NARF: variants seen among roughly 807,000 people sequenced by gnomAD.
NARF encodes the protein nuclear prelamin A recognition factor.
In NARF, 41 loss-of-function variants were observed where a neutral mutation model predicts 48.0. The observed-to-expected ratio is 0.85, with a 90% confidence interval of 0.66 to 1.11. The LOEUF is 1.11. Ranked by LOEUF, NARF falls within the 50% of genes least tolerant of loss-of-function variation. The pLI, the probability that NARF is intolerant of heterozygous loss-of-function variation, is 0.00. For missense variants in NARF, 613 were observed against 590.2 expected, an observed-to-expected ratio of 1.04 and a Z score of -0.40; for synonymous variants, 215 against 225.5, an observed-to-expected ratio of 0.95 and a Z score of 0.42.
chr17:82,468,822 C>A lies in NARF; in HGVS notation c.311C>A (p.Pro104His). 6.2e-7 allele frequency: 1 copy of A among 1,614,028 alleles called. No homozygotes were observed. The highest frequency in any genetic ancestry group is 8.5e-7 in the Non-Finnish European group (1 of 1,179,962). ...GTGTCTGTGTGTCCTCAATCTTTGC[C>A]TTATTTTGCTGCTAAATTCAACCTC... The part of the protein sequence containing the change: ...LVVSVCPQSL[P>H]YFAAKFNLSV... Residue 104 changes from proline to histidine, a missense_variant, in exon 4 of 11, where the codon CCT becomes CAT. Physicochemically the swap from Pro to His is moderately conservative, Grantham distance 77. Coordinates refer to ENST00000309794, the MANE Select transcript of NARF (RefSeq NM_012336.4).
Position 82,472,526 on chromosome 17 carries a change from T to G in NARF, c.386-38T>G. ...GGAAGCCTAAAAGTAGATCTTTTAG[T>G]ACGTGATTTAAGCTGAATATGCTCC... On this transcript the variant is annotated intron_variant, in intron 4 of 10. Transcript: ENST00000309794. 2.6e-6 allele frequency: 4 copies of G among 1,547,578 alleles called. No homozygotes were observed. In the South Asian group the frequency reaches 4.9e-5, roughly 19 times the overall value.
Position 82,468,902 on chromosome 17 carries a change from T to C in NARF, c.385+6T>C, listed in dbSNP as rs890180607. The stretch of plus-strand genomic sequence containing the variant: ...TGGTTTCCTCAAAAGTCTTGGTGAG[T>C]CATCTTTTGATAAATTGGGAATGTA... On this transcript the variant is annotated splice_donor_region_variant and intron_variant, in intron 4 of 10. Coordinates refer to ENST00000309794, the MANE Select transcript of NARF (RefSeq NM_012336.4). 7 of 1,612,010 alleles carry C rather than the reference T, an allele frequency of 4.3e-6. No homozygotes were observed. The highest frequency in any genetic ancestry group is 5.9e-6 in the Non-Finnish European group (7 of 1,179,348).
At chr17:82,474,286 A>T (rs1412168944) in intron 5 of NARF, among the ~76,000 whole-genome samples, 2 of 152,236 alleles carry the variant, frequency 1.3e-5, no homozygotes, top group Admixed American at 1.3e-4. Flanking sequence ...CTTAAAAAAA[A>T]TACAGAATAA....
At chr17:82,482,119 C>T (rs572884152) in intron 7 of NARF, 15 of 288,206 alleles carry the variant, frequency 5.2e-5, no homozygotes, top group African/African-American at 2.8e-4. Flanking sequence ...AAAATTCTGG[C>T]GGAACTGTTT....
At chr17:82,471,620 A>G (rs67092450) in intron 4 of NARF, among the ~76,000 whole-genome samples, 62,636 of 140,866 alleles carry the variant, frequency 0.44, 14,991 homozygotes, top group East Asian at 0.89. Flanking sequence ...GTGAAACCCC[A>G]TCTCTACTAA....
intron 1 of NARF, chr17:82,459,053 A>G (rs748819784): frequency 8.3e-7 from 1 of 1,204,572 alleles, no homozygotes; most frequent in Non-Finnish European, 1.0e-6. Flanking sequence ...GAACTTGTCC[A>G]TCTTTCCCAC....
Position 82,484,929 on chromosome 17 carries a change from AGGTCACTT to A in NARF, c.951_958del (p.Val318ProfsTer14). 1 of 1,611,346 alleles carries A rather than the reference AGGTCACTT, an allele frequency of 6.2e-7. No individual in the cohort carries two copies. The highest frequency in any genetic ancestry group is 8.5e-7 in the Non-Finnish European group (1 of 1,178,702). ...GAGCTGTTCAACGAGGATGTGGAGG[AGGTCACTT>A]ACCGAGCCCTGAGGTGTGGGGCAGT... is the stretch of plus-strand genomic sequence containing the variant. On this transcript the variant is annotated frameshift_variant, in exon 9 of 11. Coordinates refer to ENST00000309794, the MANE Select transcript of NARF (RefSeq NM_012336.4). LOFTEE classifies it high-confidence loss of function.
At chr17:82,461,900 G>C (rs1219242324) in intron 2 of NARF, among the ~76,000 whole-genome samples, 1 of 152,222 alleles carries the variant, frequency 6.6e-6, no homozygotes, top group African/African-American at 2.4e-5. Context: ...GGGAGCAACA[G>C]GGCCTGAGAC....
At chr17:82,469,583 G>T (rs908619446) in intron 4 of NARF, among the ~76,000 whole-genome samples, 4 of 151,634 alleles carry the variant, frequency 2.6e-5, no homozygotes, top group East Asian at 1.9e-4. Context: ...CAAATAAGAG[G>T]TTTTTTTTGT....
intron 3 of NARF, among the ~76,000 whole-genome samples, chr17:82,466,883 G>A (rs945705942): frequency 1.4e-4 from 21 of 150,146 alleles, no homozygotes; most frequent in Non-Finnish European, 3.0e-4. Flanking sequence ...CTTTTTTTTC[G>A]GCCTTCACCA....
rs146172958 is a variant in NARF, at chr17:82,480,840, G to A, written c.640-242G>A. On this transcript the variant is annotated intron_variant, in intron 6 of 10. Transcript: ENST00000309794. ...CCAGCTACTCGGGAGGCTGAGGCAGGAGAATCGCTTGAACCCGGGAGGCAG... is the reference window on the plus strand; with the variant it reads ...CCAGCTACTCGGGAGGCTGAGGCAGAAGAATCGCTTGAACCCGGGAGGCAG... 9.2e-4 allele frequency: 498 copies of A among 541,120 alleles called. 3 individuals carry two copies. The highest frequency in any genetic ancestry group is 8.1e-3 in the African/African-American group (425 of 52,292). 33.5% of individuals were successfully genotyped at this position (541,120 alleles called of 1,614,324 possible).
chr17:82,472,444 A>G, intron 4 of NARF, 120 bp from the exon 5 acceptor site: 1 of 1,144,418 alleles, frequency 8.7e-7, no homozygotes, highest in Non-Finnish European at 1.2e-6. Flanking sequence ...AGATTATGCC[A>G]CTGCACTCTA....
intron 4 of NARF, among the ~76,000 whole-genome samples, chr17:82,471,791 C>CAAAAAAAAAAAAAAAAAAAAAAA (rs58302009): frequency 6.7e-4 from 43 of 64,462 alleles, no homozygotes; most frequent in East Asian, 3.2e-3. Flanking sequence ...GACTCCGTCT[C>CAAAAAAAAAAAAAAAAAAAAAAA]AAAAAAAAAA....
chr17:82,480,513 GC>G, intron 6 of NARF: 1 of 402,854 alleles, frequency 2.5e-6, no homozygotes. Context: ...GAGGGAGGCA[GC>G]AGACAGACAT....
intron 5 of NARF, 140 bp downstream of exon 5, chr17:82,472,838 A>G: frequency 9.4e-7 from 1 of 1,066,266 alleles, no homozygotes; most frequent in Non-Finnish European, 1.3e-6. Context: ...GCTTGGCCTG[A>G]TTCACAGAGG....
chr17:82,476,642 C>G (rs1242796626), intron 5 of NARF: 1 of 152,128 alleles, frequency 6.6e-6, no homozygotes, highest in Non-Finnish European at 1.5e-5. Flanking sequence ...CACGGTTTCA[C>G]TTTGTTGGTC....
chr17:82,463,988 GAA>G (rs2043499928), intron 2 of NARF: 1 of 298,476 alleles, frequency 3.4e-6, no homozygotes, highest in Admixed American at 4.7e-5. Context: ...TGAGCTTCCA[GAA>G]CACAGGGGTC....
chr17:82,470,360 G>A (rs1275333980), intron 4 of NARF, among the ~76,000 whole-genome samples: 3 of 152,152 alleles, frequency 2.0e-5, no homozygotes, highest in African/African-American at 7.2e-5. Context: ...GTTGTCAAAT[G>A]CTATATATTC....
intron 4 of NARF, among the ~76,000 whole-genome samples, chr17:82,469,176 C>T (rs866032051): frequency 6.6e-6 from 1 of 152,200 alleles, no homozygotes; most frequent in Non-Finnish European, 1.5e-5. Context: ...TCTGACAACA[C>T]GGACAGGACA....
Sources: gnomAD v4.1 joint callset for allele counts (sites outside exome capture counted in the v4.1 genomes callset) on GRCh38, gnomAD v4.1.1 for gene constraint, MANE v1.5 for transcripts, NCBI Gene and HGNC (gene_info 2026-07-23, HGNC 2026-07-21) for gene names.